NEK11: variants seen among roughly 807,000 people sequenced by gnomAD.
The protein encoded by NEK11 is NIMA related kinase 11, also known as serine/threonine-protein kinase Nek11.
Under a neutral mutation model 80.7 loss-of-function variants are expected in NEK11, and 72 were observed. That is an observed-to-expected ratio of 0.89 (90% CI 0.74 to 1.08). NEK11 has a LOEUF of 1.08. Among genes scored for constraint, NEK11 ranks in the 50% least tolerant of loss-of-function variants. The pLI is 0.00. For synonymous variants in NEK11, 251 were observed against 260.7 expected (o/e 0.96, Z 0.36); for missense variants, 764 against 763.6 (o/e 1.00, Z -0.01).
chr3:131,162,571 T>C (rs775727471), intron 11 of NEK11, 44 bp downstream of exon 11: 2 of 1,598,704 alleles, frequency 1.3e-6, no homozygotes, highest in East Asian at 2.2e-5. Context: ...GGACTACTTC[T>C]CAGGGCTCTC....
chr3:131,209,973 C>G (rs1224322842), intron 14 of NEK11, among the ~76,000 whole-genome samples: 6 of 152,072 alleles, frequency 3.9e-5, no homozygotes, highest in African/African-American at 1.4e-4. Context: ...TTTTTTGTGT[C>G]TCTAGCTCCT....
chr3:131,243,527 A>G (rs1222434017), intron 16 of NEK11, 31 bp downstream of exon 16: 5 of 1,544,504 alleles, frequency 3.2e-6, no homozygotes, highest in Admixed American at 3.4e-5. Context: ...TTCAAAATAC[A>G]TTGACAGCTA....
chr3:131,267,629 G>T (rs1422752394), intron 16 of NEK11, among the ~76,000 whole-genome samples: 1 of 151,950 alleles, frequency 6.6e-6, no homozygotes, highest in Non-Finnish European at 1.5e-5. Flanking sequence ...TAGGGTTTCT[G>T]CTGAGAGATC....
chr3:131,226,326 A>T (rs575764614), intron 14 of NEK11, among the ~76,000 whole-genome samples: 123 of 152,248 alleles, frequency 8.1e-4, no homozygotes, highest in Non-Finnish European at 1.4e-3. Context: ...TAAAATGAAG[A>T]TCTTTATTAA....
chr3:131,292,272 GA>G (rs2096551659), intron 17 of NEK11, among the ~76,000 whole-genome samples: 1 of 152,098 alleles, frequency 6.6e-6, no homozygotes, highest in Non-Finnish European at 1.5e-5. Flanking sequence ...CTGTTTCATT[GA>G]TCTATTTGTC....
In NEK11 at chr3:131,152,544, A is replaced by G; in HGVS notation, c.797+7A>G. 1 of 1,611,630 alleles carries G rather than the reference A, an allele frequency of 6.2e-7. No homozygotes were observed. Among genetic ancestry groups the G allele is most frequent in the East Asian group, 2.2e-5 (1 of 44,850 alleles). On this transcript the variant is annotated splice_region_variant and intron_variant, in intron 8 of 17. Coordinates refer to ENST00000383366, the MANE Select transcript of NEK11 (RefSeq NM_024800.5). ...TAAATGCCATCATGGAAAGGTATAG[A>G]AATAAACATGTTGTCACAGAAATAA...
chr3:131,135,568 C>A (rs1397212851), intron 7 of NEK11, among the ~76,000 whole-genome samples: 1 of 152,110 alleles, frequency 6.6e-6, no homozygotes, highest in African/African-American at 2.4e-5. Flanking sequence ...AGAAATCTTG[C>A]TTCTTTTGGA....
At position 131,231,330 on chromosome 3, in the gene NEK11, G is replaced by T. The variant is rs1007231809; in HGVS notation, c.1560+2642G>T. ...AGAGGTGTAGCCTTCCTGCGGTCAC[G>T]TAGCTAGGCAAGGATCAGACTCATG... On this transcript the variant is annotated intron_variant, in intron 15 of 17. Coordinates refer to ENST00000383366, the MANE Select transcript of NEK11 (RefSeq NM_024800.5). Among the ~76,000 whole-genome samples the T allele has an allele frequency of 4.0e-5, 6 of 150,604 alleles. No individual in the cohort carries two copies. The East Asian group carries it at 1.2e-3, about 31-fold the overall frequency.
chr3:131,345,290 A>G (rs1311670571), intron 17 of NEK11, among the ~76,000 whole-genome samples: 1 of 152,202 alleles, frequency 6.6e-6, no homozygotes, highest in African/African-American at 2.4e-5. Flanking sequence ...TGCAAACCAC[A>G]TATCTAATAA....
At chr3:131,052,586 G>C (rs942042381) in intron 3 of NEK11, among the ~76,000 whole-genome samples, 1 of 152,174 alleles carries the variant, frequency 6.6e-6, no homozygotes, top group African/African-American at 2.4e-5. Flanking sequence ...GCTGTGAAGT[G>C]ATAGTGACAA....
intron 3 of NEK11, among the ~76,000 whole-genome samples, chr3:131,038,819 T>A (rs1577293127): frequency 6.6e-6 from 1 of 152,346 alleles, no homozygotes; most frequent in East Asian, 1.9e-4. Flanking sequence ...TTATTTAAAT[T>A]TATCATTCCA....
intron 15 of NEK11, among the ~76,000 whole-genome samples, chr3:131,237,752 C>A (rs570030499): frequency 1.3e-5 from 2 of 152,170 alleles, no homozygotes; most frequent in Admixed American, 6.5e-5. Flanking sequence ...TACCCTCAGT[C>A]CAAATTAGCT....
chr3:131,201,451 G>A (rs2094222896), intron 14 of NEK11, among the ~76,000 whole-genome samples: 1 of 151,952 alleles, frequency 6.6e-6, no homozygotes. Flanking sequence ...TTGTTTGGGA[G>A]GTATCATTTT....
intron 14 of NEK11, among the ~76,000 whole-genome samples, chr3:131,202,804 C>T (rs184011556): frequency 2.9e-4 from 44 of 152,244 alleles, no homozygotes; most frequent in Admixed American, 2.0e-3. Context: ...AAGACATTTG[C>T]GCAGCCAACA....
At chr3:131,115,911 T>TTTCC (rs2080973354) in intron 5 of NEK11, among the ~76,000 whole-genome samples, 1 of 47,590 alleles carries the variant, frequency 2.1e-5, no homozygotes, top group Non-Finnish European at 4.3e-5. Context: ...GTTTTCTTTC[T>TTTCC]TTCTTTCTTT....
At chr3:131,180,503 C>CA (rs1441705349) in intron 14 of NEK11, among the ~76,000 whole-genome samples, 1 of 151,992 alleles carries the variant, frequency 6.6e-6, no homozygotes, top group Non-Finnish European at 1.5e-5. Flanking sequence ...AAACTGATGA[C>CA]AAAAACAATA....
chr3:131,229,311 A>G (rs1219952650), intron 15 of NEK11, among the ~76,000 whole-genome samples: 8 of 152,144 alleles, frequency 5.3e-5, no homozygotes, highest in Admixed American at 3.3e-4. Context: ...CACCCCTGAC[A>G]TGTGCTTTCA....
chr3:131,291,256 T>C (rs1460408982), intron 17 of NEK11, among the ~76,000 whole-genome samples: 1 of 152,242 alleles, frequency 6.6e-6, no homozygotes, highest in Admixed American at 6.5e-5. Context: ...TTTTCATGGC[T>C]TAATAGGTTA....
intron 5 of NEK11, among the ~76,000 whole-genome samples, chr3:131,119,647 G>A (rs1337653059): frequency 2.0e-5 from 3 of 152,054 alleles, no homozygotes; most frequent in Non-Finnish European, 2.9e-5. Context: ...TATGAATCTG[G>A]GTTCTCCTGT....
Sources: gnomAD v4.1 joint callset for allele counts (sites outside exome capture counted in the v4.1 genomes callset) on GRCh38, gnomAD v4.1.1 for gene constraint, MANE v1.5 for transcripts, NCBI Gene and HGNC (gene_info 2026-07-23, HGNC 2026-07-21) for gene names.